PSTPIP2: variants seen among roughly 807,000 people sequenced by gnomAD.
PSTPIP2 encodes the protein proline-serine-threonine phosphatase interacting protein 2.
A neutral mutation model predicts 63.3 loss-of-function variants in PSTPIP2; 33 were observed. The observed-to-expected ratio is 0.52, with a 90% CI of 0.40 to 0.70. The LOEUF (loss-of-function observed/expected upper bound fraction) is 0.70. Ranked by LOEUF, PSTPIP2 falls within the 30% of genes least tolerant of loss-of-function variation. PSTPIP2 has a pLI of 0.00. For synonymous variants in PSTPIP2, 125 were observed against 132.7 expected (o/e 0.94, Z 0.40); for missense variants, 312 against 400.7 (o/e 0.78, Z 1.89).
At chr18:45,987,660 C>T (rs1207159491) in intron 14 of PSTPIP2, among the ~76,000 whole-genome samples, 2 of 152,208 alleles carry the variant, frequency 1.3e-5, no homozygotes, top group East Asian at 1.9e-4. Flanking sequence ...TTTCTTAGCT[C>T]GTGTGTACCT....
At chr18:46,012,144 C>T (rs1363650521) in intron 4 of PSTPIP2, among the ~76,000 whole-genome samples, 1 of 152,028 alleles carries the variant, frequency 6.6e-6, no homozygotes, top group Non-Finnish European at 1.5e-5. Context: ...TTTGGAAATA[C>T]ACCCAGCCTT....
chr18:46,026,410 G>T (rs1907581181), intron 2 of PSTPIP2, among the ~76,000 whole-genome samples: 1 of 152,098 alleles, frequency 6.6e-6, no homozygotes, highest in Non-Finnish European at 1.5e-5. Context: ...TGAGCATTTT[G>T]CCTTATTCCT....
At position 46,013,578 on chromosome 18, in the gene PSTPIP2, T is replaced by C. The variant is rs142428479; in HGVS notation, c.248-2291A>G. 2.1e-3 allele frequency among the ~76,000 whole-genome samples: 315 copies of C among 151,836 alleles called. 3 individuals carry two copies. The highest frequency in any genetic ancestry group is 7.2e-3 in the African/African-American group (300 of 41,400). ...TCTGCTTGTCATCACATTAGAATAA[T>C]AGGAGCTAAATAAAAATCTGTTGGC... On this transcript the variant is annotated intron_variant, in intron 4 of 14. Transcript: ENST00000409746.
At chr18:45,999,621 T>A in intron 6 of PSTPIP2, 87 bp from the exon 7 acceptor site, 3 of 1,347,824 alleles carry the variant, frequency 2.2e-6, no homozygotes, top group Non-Finnish European at 2.1e-6. Context: ...AAGTCCAGCA[T>A]GGACAGGGCC....
At chr18:46,037,859 A>C (rs911599250) in intron 2 of PSTPIP2, among the ~76,000 whole-genome samples, 6 of 152,218 alleles carry the variant, frequency 3.9e-5, no homozygotes, top group African/African-American at 4.8e-5. Flanking sequence ...TATAAAACCC[A>C]TGGGAGAAAA....
intron 1 of PSTPIP2, among the ~76,000 whole-genome samples, chr18:46,068,100 A>C (rs1909260439): frequency 6.6e-6 from 1 of 152,164 alleles, no homozygotes; most frequent in African/African-American, 2.4e-5. Context: ...AAAATATTCC[A>C]AAAATTAAAA....
intron 7 of PSTPIP2, 21 bp from the exon 8 acceptor site, chr18:45,998,860 A>T (rs766793189): frequency 6.2e-7 from 1 of 1,613,762 alleles, no homozygotes; most frequent in African/African-American, 1.3e-5. Flanking sequence ...AAACAAACAA[A>T]CAAAAAAAGA....
intron 1 of PSTPIP2, among the ~76,000 whole-genome samples, chr18:46,049,913 T>C (rs1391899329): frequency 2.0e-5 from 3 of 151,942 alleles, no homozygotes; most frequent in African/African-American, 7.3e-5. Context: ...CAACCAATTT[T>C]CTCAAGTGGG....
chr18:46,063,612 A>C (rs903187560), intron 1 of PSTPIP2, among the ~76,000 whole-genome samples: 5 of 102,712 alleles, frequency 4.9e-5, no homozygotes, highest in South Asian at 3.1e-4. Flanking sequence ...GAACATGTGA[A>C]TTACACACAC....
chr18:46,029,122 A>G lies in PSTPIP2; in HGVS notation c.135-4436T>C, dbSNP rs981424167. 3.6e-6 allele frequency: 3 copies of G among 830,396 alleles called. No homozygotes were observed. In the African/African-American group the frequency reaches 4.9e-5, roughly 14 times the overall value. The allele number at this position is 830,396 out of a possible 1,614,324, so 51.4% of individuals were successfully genotyped here. The stretch of plus-strand genomic sequence containing the variant: ...AACTGTAAGGCTTATTTTAGTGCTA[A>G]TGGGGAAGAAGTTTTAGCCATGAGT... On this transcript the variant is annotated intron_variant, in intron 2 of 14. Coordinates refer to ENST00000409746, the MANE Select transcript of PSTPIP2 (RefSeq NM_024430.4).
chr18:46,064,048 C>G (rs559511871), intron 1 of PSTPIP2, among the ~76,000 whole-genome samples: 51 of 152,278 alleles, frequency 3.3e-4, no homozygotes, highest in African/African-American at 1.2e-3. Context: ...CTGGAGTAAG[C>G]AGACAGGAGT....
At chr18:46,046,194 A>G (rs989809500) in intron 1 of PSTPIP2, among the ~76,000 whole-genome samples, 1 of 152,204 alleles carries the variant, frequency 6.6e-6, no homozygotes, top group Non-Finnish European at 1.5e-5. Flanking sequence ...TCCATGCTGC[A>G]GGGCCTCTGA....
At chr18:46,067,274 G>A (rs181346789) in intron 1 of PSTPIP2, among the ~76,000 whole-genome samples, 4 of 151,984 alleles carry the variant, frequency 2.6e-5, no homozygotes, top group Non-Finnish European at 2.9e-5. Flanking sequence ...AGGCCGAGGC[G>A]GGCGGATCAC....
In PSTPIP2 at chr18:45,984,703, T is replaced by A. The variant is rs900911364; in HGVS notation, c.*756A>T. 1 of 152,208 alleles carries A rather than the reference T, an allele frequency of 6.6e-6. No individual in the cohort carries two copies. The highest frequency in any genetic ancestry group is 2.4e-5 in the African/African-American group (1 of 41,454). 9.4% of individuals were successfully genotyped at this position (152,208 alleles called of 1,614,324 possible). ...GCTCCTTAAATTAGATTAAACATCA[T>A]GCTCTGTAGTTCAGCATACACAGGG... On this transcript the variant is annotated 3_prime_UTR_variant, in exon 15 of 15. Coordinates refer to ENST00000409746, the MANE Select transcript of PSTPIP2 (RefSeq NM_024430.4).
chr18:46,033,174 C>T (rs1907842563), intron 2 of PSTPIP2, among the ~76,000 whole-genome samples: 1 of 152,210 alleles, frequency 6.6e-6, no homozygotes, highest in Non-Finnish European at 1.5e-5. Flanking sequence ...GAAGGCCACC[C>T]AGGTGTCTAA....
intron 1 of PSTPIP2, among the ~76,000 whole-genome samples, chr18:46,053,113 G>C (rs1324643580): frequency 6.6e-6 from 1 of 152,018 alleles, no homozygotes; most frequent in South Asian, 2.1e-4. Context: ...TTTATTCCAA[G>C]AACTTTTCAC....
chr18:46,058,350 GT>G (rs149865056), intron 1 of PSTPIP2, among the ~76,000 whole-genome samples: 1 of 150,994 alleles, frequency 6.6e-6, no homozygotes, highest in East Asian at 1.9e-4. Flanking sequence ...TATATTCCTA[GT>G]TTTTTTTTGT....
At chr18:46,037,570 C>A (rs748101185) in intron 2 of PSTPIP2, among the ~76,000 whole-genome samples, 1 of 152,194 alleles carries the variant, frequency 6.6e-6, no homozygotes, top group Non-Finnish European at 1.5e-5. Context: ...GCATCCTGCA[C>A]CCACCCGAAC....
At chr18:46,056,468 C>T (rs1267450496) in intron 1 of PSTPIP2, among the ~76,000 whole-genome samples, 3 of 152,206 alleles carry the variant, frequency 2.0e-5, no homozygotes, top group Non-Finnish European at 4.4e-5. Context: ...AATCCTAGTG[C>T]TTTGGGAGGC....
Sources: gnomAD v4.1 joint callset for allele counts (sites outside exome capture counted in the v4.1 genomes callset) on GRCh38, gnomAD v4.1.1 for gene constraint, MANE v1.5 for transcripts, NCBI Gene and HGNC (gene_info 2026-07-23, HGNC 2026-07-21) for gene names.